HTR4: variants seen among roughly 807,000 people sequenced by gnomAD.
The protein encoded by HTR4 is 5-hydroxytryptamine (serotonin) receptor 4, G protein-coupled.
Under a neutral mutation model 36.8 loss-of-function variants are expected in HTR4, and 16 were observed. That is an observed-to-expected ratio of 0.43 (90% CI 0.29 to 0.66). The LOEUF is 0.66. Among genes scored for constraint, HTR4 ranks in the 30% least tolerant of loss-of-function variants. The pLI is 0.13. For synonymous variants in HTR4, 189 were observed against 185.1 expected, an observed-to-expected ratio of 1.02 and a Z score of -0.17; for missense variants, 438 against 490.9, an observed-to-expected ratio of 0.89 and a Z score of 1.02.
At chr5:148,638,499 T>C (rs1401009418) in intron 1 of HTR4, among the ~76,000 whole-genome samples, 2 of 152,196 alleles carry the variant, frequency 1.3e-5, no homozygotes, top group Non-Finnish European at 2.9e-5. Flanking sequence ...TACAATACTA[T>C]TCACTGTAGA....
chr5:148,487,628 C>T (rs187440084), intron 6 of HTR4, among the ~76,000 whole-genome samples: 11 of 152,300 alleles, frequency 7.2e-5, no homozygotes, highest in South Asian at 2.1e-4. Context: ...CTGATTCTTA[C>T]GCACACAGGT....
intron 5 of HTR4, among the ~76,000 whole-genome samples, chr5:148,454,954 C>T (rs1002495190): frequency 6.6e-5 from 10 of 152,102 alleles, no homozygotes; most frequent in African/African-American, 9.7e-5. Flanking sequence ...AATGGGGCTA[C>T]GCTTTAGTAT....
chr5:148,510,060 A>G (rs3734119), intron 5 of HTR4, 36 bp from the exon 6 acceptor site: 105,935 of 1,400,284 alleles, frequency 0.076, 9,018 homozygotes, highest in African/African-American at 0.37. Context: ...TGAGGAAAGG[A>G]GGTAAAAAGG....
At chr5:148,629,209 G>A (rs935524750) in intron 2 of HTR4, 5 of 152,088 alleles carry the variant, frequency 3.3e-5, no homozygotes, top group South Asian at 2.1e-4. Flanking sequence ...GACCCAGAAC[G>A]ATGCAGGTCA....
chr5:148,493,724 TTTTCCTGCCATTCGAACAAG>T (rs1756561454), intron 6 of HTR4, among the ~76,000 whole-genome samples: 1 of 152,154 alleles, frequency 6.6e-6, no homozygotes, highest in African/African-American at 2.4e-5. Context: ...TAAGAACACT[TTTTCCTGCCATTCGAACAAG>T]TTGCTTGTAT....
intron 4 of HTR4, among the ~76,000 whole-genome samples, chr5:148,537,269 C>T (rs1190060839): frequency 6.6e-6 from 1 of 151,998 alleles, no homozygotes; most frequent in Non-Finnish European, 1.5e-5. Flanking sequence ...GCACTAAATG[C>T]TCACATCAAA....
chr5:148,599,466 C>A (rs1761901883), intron 2 of HTR4, among the ~76,000 whole-genome samples: 1 of 151,904 alleles, frequency 6.6e-6, no homozygotes. Flanking sequence ...AAGTCAAACA[C>A]AATGGAATGA....
At chr5:148,472,664 G>T (rs1283233001), downstream of HTR4, among the ~76,000 whole-genome samples, 2 of 152,186 alleles carry the variant, frequency 1.3e-5, no homozygotes, top group Non-Finnish European at 2.9e-5. Flanking sequence ...AGGTTTCATA[G>T]ACAAGGTAGT....
Position 148,531,480 on chromosome 5 carries a change from C to T in HTR4, c.354-8134G>A, listed in dbSNP as rs548333735. Among the ~76,000 whole-genome samples the T allele has an allele frequency of 4.1e-4, 63 of 152,294 alleles. 1 individual carries two copies. The Middle Eastern group carries it at 0.01, about 25-fold the overall frequency. On this transcript the variant is annotated intron_variant, in intron 4 of 6. Transcript: ENST00000377888. ...CTTCTGCCATGATTGTGAGTCCTCC[C>T]TAGTCACGTAGAATTGTGAGTCCAT...
chr5:148,462,119 G>A (rs946658303), intron 5 of HTR4, among the ~76,000 whole-genome samples: 6 of 151,830 alleles, frequency 4.0e-5, no homozygotes, highest in East Asian at 3.8e-4. Context: ...GTTAGAAAAA[G>A]AAGAGGAAAC....
chr5:148,623,922 C>A (rs190085346), intron 2 of HTR4, among the ~76,000 whole-genome samples: 1 of 152,128 alleles, frequency 6.6e-6, no homozygotes, highest in Non-Finnish European at 1.5e-5. Flanking sequence ...AAAGGGCGTT[C>A]CCCCTCCCGG....
chr5:148,573,445 A>G (rs1581494157), intron 2 of HTR4, among the ~76,000 whole-genome samples: 1 of 152,196 alleles, frequency 6.6e-6, no homozygotes, highest in East Asian at 1.9e-4. Context: ...TGGAGTGGTC[A>G]CCATCTCAAA....
At chr5:148,596,946 G>T (rs1761802358) in intron 2 of HTR4, among the ~76,000 whole-genome samples, 2 of 152,152 alleles carry the variant, frequency 1.3e-5, no homozygotes, top group Non-Finnish European at 2.9e-5. Context: ...AGCCAAGAAG[G>T]CAGAGAGTTG....
intron 2 of HTR4, among the ~76,000 whole-genome samples, chr5:148,577,872 G>T (rs1159593094): frequency 6.6e-6 from 1 of 151,702 alleles, no homozygotes; most frequent in Non-Finnish European, 1.5e-5. Context: ...TTGGGTGCTG[G>T]GTTTAATTTC....
At chr5:148,498,836 A>T (rs1756805800) in intron 6 of HTR4, among the ~76,000 whole-genome samples, 1 of 152,198 alleles carries the variant, frequency 6.6e-6, no homozygotes, top group Admixed American at 6.5e-5. Flanking sequence ...CAGGTGGTTA[A>T]TAAGAATAGG....
At chr5:148,613,326 T>G (rs1054428707) in intron 2 of HTR4, among the ~76,000 whole-genome samples, 2 of 127,342 alleles carry the variant, frequency 1.6e-5, no homozygotes, top group Non-Finnish European at 3.4e-5. Flanking sequence ...AAAAAGCTTA[T>G]CCACCATGAT....
intron 2 of HTR4, among the ~76,000 whole-genome samples, chr5:148,633,089 G>C (rs1050919540): frequency 3.3e-5 from 5 of 152,142 alleles, no homozygotes; most frequent in Non-Finnish European, 7.4e-5. Context: ...GTGGGTGTCA[G>C]ATTGTCTGGA....
chr5:148,566,721 T>A (rs1760456279), intron 2 of HTR4, among the ~76,000 whole-genome samples: 1 of 152,148 alleles, frequency 6.6e-6, no homozygotes. Flanking sequence ...CATACATGCT[T>A]ACATATACAA....
At chr5:148,599,578 C>T (rs560503057) in intron 2 of HTR4, among the ~76,000 whole-genome samples, 2 of 151,468 alleles carry the variant, frequency 1.3e-5, no homozygotes, top group East Asian at 1.9e-4. Flanking sequence ...CACTTTAAGG[C>T]AAATAAAAAC....
Sources: gnomAD v4.1 joint callset for allele counts (sites outside exome capture counted in the v4.1 genomes callset) on GRCh38, gnomAD v4.1.1 for gene constraint, MANE v1.5 for transcripts, NCBI Gene and HGNC (gene_info 2026-07-23, HGNC 2026-07-21) for gene names.